Variants in ARHGEF10L observed in about 807,000 individuals in gnomAD.
ARHGEF10L encodes rho guanine nucleotide exchange factor 10-like protein.
Under a neutral mutation model 141.2 loss-of-function variants are expected in ARHGEF10L, and 69 were observed. The observed-to-expected ratio is 0.49, with a 90% CI of 0.40 to 0.60. The LOEUF (loss-of-function observed/expected upper bound fraction) is 0.60, where lower values mean the gene tolerates loss of function less well. Ranked by LOEUF, ARHGEF10L falls within the 20% of genes least tolerant of loss-of-function variation. ARHGEF10L has a pLI of 0.00. For synonymous variants in ARHGEF10L, 711 were observed against 718.5 expected (o/e 0.99, Z 0.17); for missense variants, 1,482 against 1,734.3 (o/e 0.85, Z 2.58).
intron 23 of ARHGEF10L, among the ~76,000 whole-genome samples, chr1:17,655,616 T>C (rs112991053): frequency 0.012 from 1,815 of 152,374 alleles, 53 homozygotes; most frequent in Admixed American, 0.064. Context: ...TTGGTTGAAA[T>C]GCACCCTGCA....
intron 1 of ARHGEF10L, among the ~76,000 whole-genome samples, chr1:17,564,803 C>T (rs542379662): frequency 3.9e-5 from 6 of 152,302 alleles, no homozygotes; most frequent in African/African-American, 1.4e-4. Context: ...ACGCAGTTAA[C>T]ACGTGTTCGG....
rs1269124878 is a variant in ARHGEF10L at position 17,656,022 on chromosome 1, G to A, written c.2625G>A (p.Glu875=). The change falls in exon 24 of 29, where the codon GAG becomes GAA. Residue 875 remains glutamate, a synonymous_variant. Coordinates refer to ENST00000361221, the MANE Select transcript of ARHGEF10L (RefSeq NM_018125.4). This position sits in a 1 kb window ranked among gnomAD's most constrained non-coding sequence, Gnocchi z 4.9. ...TCCCGGAGCTGGAGGAGGAGGCGGAGAGCAGAGACGAGAGCCCGACAGTTG... is the reference window on the plus strand; with the variant it reads ...TCCCGGAGCTGGAGGAGGAGGCGGAAAGCAGAGACGAGAGCCCGACAGTTG... ...EYIPELEEEA[E]SRDESPTVAD... is the part of the protein sequence containing the mutation. 1 of 1,571,932 alleles carries A rather than the reference G, an allele frequency of 6.4e-7. No homozygotes were observed. The highest frequency in any genetic ancestry group is 1.8e-5 in the Admixed American group (1 of 54,282).
chr1:17,677,887 A>G (rs560170231), intron 26 of ARHGEF10L, among the ~76,000 whole-genome samples: 41 of 152,232 alleles, frequency 2.7e-4, no homozygotes, highest in African/African-American at 8.9e-4. Flanking sequence ...GGTGAATGTC[A>G]TGCAGACCCA....
chr1:17,548,929 G>A (rs990209179), intron 1 of ARHGEF10L, among the ~76,000 whole-genome samples: 1 of 151,712 alleles, frequency 6.6e-6, no homozygotes, highest in Admixed American at 6.6e-5. Flanking sequence ...GACTATAGGT[G>A]TGAACCACCA....
chr1:17,628,636 G>C (rs568929733), intron 15 of ARHGEF10L, among the ~76,000 whole-genome samples: 32 of 152,196 alleles, frequency 2.1e-4, no homozygotes, highest in Non-Finnish European at 1.8e-4. Context: ...AGGTCATAGG[G>C]AGAGGTTCAA....
rs987743069 is a variant in ARHGEF10L at position 17,656,846 on chromosome 1, G to A, written c.2860+138G>A. 1.1e-4 allele frequency: 127 copies of A among 1,134,338 alleles called. 1 individual carries two copies. Among genetic ancestry groups the A allele is most frequent in the Middle Eastern group, 3.0e-4 (1 of 3,300 alleles). 70.3% of individuals were successfully genotyped at this position (1,134,338 alleles called of 1,614,324 possible). ...CAGTGCTGAGGGCATTTGGAGATCC[G>A]TGAGCCCCGCTGGGGTTCAATGGGT... On this transcript the variant is annotated intron_variant, in intron 25 of 28. Transcript: ENST00000361221. The surrounding 1 kb of genome is among the most constrained non-coding windows in gnomAD (Gnocchi z 4.9).
intron 22 of ARHGEF10L, among the ~76,000 whole-genome samples, chr1:17,650,925 T>G (rs1162105678): frequency 2.0e-5 from 3 of 152,156 alleles, no homozygotes; most frequent in African/African-American, 7.2e-5. Context: ...ACTATTTTAA[T>G]GCAGTGCGTA....
intron 26 of ARHGEF10L, among the ~76,000 whole-genome samples, chr1:17,683,690 C>A (rs891215330): frequency 6.6e-6 from 1 of 152,238 alleles, no homozygotes; most frequent in African/African-American, 2.4e-5. Flanking sequence ...CCCTTTCCCC[C>A]GCCGGCCTCC....
intron 26 of ARHGEF10L, among the ~76,000 whole-genome samples, chr1:17,665,127 C>T (rs986922814): frequency 6.6e-6 from 1 of 152,198 alleles, no homozygotes; most frequent in Non-Finnish European, 1.5e-5. Flanking sequence ...ATAGCACTGC[C>T]CGCTCACCTT....
intron 6 of ARHGEF10L, among the ~76,000 whole-genome samples, chr1:17,606,167 C>T (rs907151713): frequency 2.6e-5 from 4 of 152,174 alleles, no homozygotes; most frequent in Non-Finnish European, 4.4e-5. Flanking sequence ...CCAAGAGCTC[C>T]GTGCCTGTTT....
chr1:17,528,989 T>C, the ARHGEF10L span, among the ~76,000 whole-genome samples: 1 of 152,116 alleles, frequency 6.6e-6, no homozygotes, highest in African/African-American at 2.4e-5. Flanking sequence ...TAGATGATGA[T>C]GATTAAGATC....
intron 2 of ARHGEF10L, among the ~76,000 whole-genome samples, chr1:17,585,279 A>T (rs2078930541): frequency 6.6e-6 from 1 of 152,094 alleles, no homozygotes; most frequent in African/African-American, 2.4e-5. Context: ...GGGTGAATGG[A>T]GCTGGGTTCC....
At chr1:17,672,458 C>T (rs1302932430) in intron 26 of ARHGEF10L, among the ~76,000 whole-genome samples, 2 of 152,150 alleles carry the variant, frequency 1.3e-5, no homozygotes, top group Non-Finnish European at 1.5e-5. Context: ...GCCCTCCCAG[C>T]GCCCAGGAGC....
chr1:17,591,663 C>T (rs908087360), intron 4 of ARHGEF10L, among the ~76,000 whole-genome samples: 20 of 152,156 alleles, frequency 1.3e-4, no homozygotes, highest in Middle Eastern at 3.4e-3. Context: ...CCACCCACCT[C>T]GGCCTCCCAA....
intron 6 of ARHGEF10L, among the ~76,000 whole-genome samples, chr1:17,606,880 G>C (rs2081226626): frequency 6.6e-6 from 1 of 152,204 alleles, no homozygotes; most frequent in South Asian, 2.1e-4. Context: ...GCATCTCATA[G>C]CCGAGTTGAA....
chr1:17,672,141 A>G (rs996946453), intron 26 of ARHGEF10L, among the ~76,000 whole-genome samples: 2 of 151,964 alleles, frequency 1.3e-5, no homozygotes, highest in Non-Finnish European at 2.9e-5. Flanking sequence ...ACAGAGAAGA[A>G]ACTTCTCTGG....
chr1:17,640,200 A>G lies in ARHGEF10L; in HGVS notation c.2172-2A>G. 6.2e-7 allele frequency: 1 copy of G among 1,609,870 alleles called. No homozygotes were observed. The highest frequency in any genetic ancestry group is 8.5e-7 in the Non-Finnish European group (1 of 1,177,750). On this transcript the variant is annotated splice_acceptor_variant, in intron 20 of 28. Transcript: ENST00000361221. LOFTEE classifies it high-confidence loss of function. The stretch of plus-strand genomic sequence containing the variant: ...CATCCACTCTAACCCTTCTCACCAC[A>G]GGTCCGGCCGCCCCATTAGCTTCAT...
rs2080898504 is a variant in ARHGEF10L at position 17,603,587 on chromosome 1, G to A, written c.429G>A (p.Gln143=). 1.2e-5 allele frequency: 19 copies of A among 1,612,210 alleles called. No homozygotes were observed. Among genetic ancestry groups the A allele is most frequent in the Admixed American group, 1.7e-5 (1 of 59,840 alleles). The change falls in exon 6 of 29, where the codon CAG becomes CAA. Residue 143 remains glutamine, a synonymous_variant. Transcript: ENST00000361221. The surrounding 1 kb of genome is among the most constrained non-coding windows in gnomAD (Gnocchi z 4.8). ...CCTGCGAGAGCCCAGATGCGCATCA[G>A]CCCGGTATGATGTCTGCAGTGCTTC... ...DVPCESPDAH[Q]PGAERNLLYE... is the part of the protein sequence containing the mutation.
rs377368227 is a variant in ARHGEF10L at position 17,548,453 on chromosome 1, G to A, written c.-44+8503G>A. Among the ~76,000 whole-genome samples the A allele has an allele frequency of 6.6e-5, 10 of 152,110 alleles. No individual in the cohort carries two copies. The South Asian group carries it at 8.3e-4, about 13-fold the overall frequency. ...AATTTCAGGAAAGTGACTAGGAAAT[G>A]TATGGTAGATAAGGGTGGTTTAGTA... On this transcript the variant is annotated intron_variant, in intron 1 of 28. Coordinates refer to ENST00000361221, the MANE Select transcript of ARHGEF10L (RefSeq NM_018125.4).
Sources: gnomAD v4.1 joint callset for allele counts (sites outside exome capture counted in the v4.1 genomes callset) on GRCh38, gnomAD v4.1.1 for gene constraint, Gnocchi (gnomAD v3.1) non-coding constraint, MANE v1.5 for transcripts, NCBI Gene and HGNC (gene_info 2026-07-23, HGNC 2026-07-21) for gene names.